The following TTC7B variants were observed in gnomAD, a reference collection of about 807,000 sequenced individuals.
TTC7B encodes tetratricopeptide repeat domain 7B.
TTC7B carries 28 observed loss-of-function variants against 106.8 expected under a neutral mutation model. The observed-to-expected ratio is 0.26, with a 90% CI of 0.19 to 0.36. The LOEUF (loss-of-function observed/expected upper bound fraction) is 0.36, where lower values mean the gene tolerates loss of function less well. TTC7B is among the 10% of genes least tolerant of loss of function. The pLI is 1.00. For synonymous variants in TTC7B, 405 were observed against 430.6 expected, an observed-to-expected ratio of 0.94 and a Z score of 0.74; for missense variants, 862 against 1,076.4, an observed-to-expected ratio of 0.80 and a Z score of 2.79.
intron 9 of TTC7B, among the ~76,000 whole-genome samples, chr14:90,661,222 C>T (rs1324944127): frequency 2.6e-5 from 4 of 152,212 alleles, no homozygotes; most frequent in Admixed American, 2.6e-4. Flanking sequence ...CACTGCATGC[C>T]GGTTTTGTTA....
chr14:90,701,885 A>G (rs1336148967), intron 5 of TTC7B, among the ~76,000 whole-genome samples: 4 of 151,556 alleles, frequency 2.6e-5, no homozygotes, highest in Non-Finnish European at 4.4e-5. Flanking sequence ...AGTGAACGCA[A>G]TGGTAAGCCA....
chr14:90,596,868 C>T (rs1371592327), intron 17 of TTC7B, among the ~76,000 whole-genome samples: 2 of 152,172 alleles, frequency 1.3e-5, no homozygotes, highest in African/African-American at 2.4e-5. Context: ...AGACACTTCA[C>T]TGTCTGAAAT....
At chr14:90,780,330 AAGAT>A (rs1276332292) in intron 3 of TTC7B, among the ~76,000 whole-genome samples, 1 of 151,846 alleles carries the variant, frequency 6.6e-6, no homozygotes, top group Non-Finnish European at 1.5e-5. Flanking sequence ...GCGGTAAGCC[AAGAT>A]CACACCATTG....
Position 90,644,145 on chromosome 14 carries a change from G to A in TTC7B, c.1654C>T (p.Leu552=), listed in dbSNP as rs1375191268. The change falls in exon 15 of 20, where the codon CTG becomes TTG. Residue 552 remains leucine (L), a synonymous_variant. Transcript: ENST00000328459. The part of the protein sequence containing the change: ...LQLQGDDANS[L]HLLALLLSAQ... ...GACAGCAGGAGGGCAAGGAGGTGCA[G>A]GGAGTTGGCATCGTCACCTTGAAGC... 3 of 1,613,886 alleles carry A rather than the reference G, an allele frequency of 1.9e-6. No homozygotes were observed. Among genetic ancestry groups the A allele is most frequent in the South Asian group, 1.1e-5 (1 of 91,080 alleles).
At chr14:90,649,346 A>C (rs992594572) in intron 13 of TTC7B, among the ~76,000 whole-genome samples, 5 of 148,756 alleles carry the variant, frequency 3.4e-5, no homozygotes, top group African/African-American at 7.4e-5. Flanking sequence ...TGTTGATCTC[A>C]AGTAGATGCT....
intron 1 of TTC7B, among the ~76,000 whole-genome samples, chr14:90,786,890 T>G (rs779495564): frequency 6.6e-5 from 10 of 152,120 alleles, no homozygotes; most frequent in Non-Finnish European, 1.2e-4. Context: ...TGCCGGTAGA[T>G]ACACATTAAC....
chr14:90,617,593 T>C (rs1893137716), intron 16 of TTC7B, among the ~76,000 whole-genome samples: 3 of 152,184 alleles, frequency 2.0e-5, no homozygotes, highest in Admixed American at 6.5e-5. Flanking sequence ...GACTGGTCTA[T>C]ACATAAATTA....
intron 16 of TTC7B, among the ~76,000 whole-genome samples, chr14:90,615,501 A>G (rs189279775): frequency 1.5e-4 from 23 of 152,306 alleles, no homozygotes; most frequent in East Asian, 1.9e-4. Context: ...ATTTTATTTT[A>G]AAGAAGCCAT....
chr14:90,683,181 A>G (rs1176259274), intron 7 of TTC7B, among the ~76,000 whole-genome samples: 4 of 152,240 alleles, frequency 2.6e-5, no homozygotes, highest in African/African-American at 9.6e-5. Context: ...GGTCACCGGC[A>G]TCCCCTAAAA....
At chr14:90,734,106 T>C (rs1889427588) in intron 4 of TTC7B, among the ~76,000 whole-genome samples, 1 of 151,984 alleles carries the variant, frequency 6.6e-6, no homozygotes, top group African/African-American at 2.4e-5. Context: ...ATGAGACATA[T>C]AAGATGGAAA....
In TTC7B at chr14:90,680,548, G is replaced by T; in HGVS notation, c.951-13C>A. On this transcript the variant is annotated splice_polypyrimidine_tract_variant and intron_variant, in intron 7 of 19. Coordinates refer to ENST00000328459, the MANE Select transcript of TTC7B (RefSeq NM_001010854.2). ...AGGACAAAAAATGCTGCAGTTGAAA[G>T]AAAACTGACTTTGATATATGGCAGT... 1 of 1,611,286 alleles carries T rather than the reference G, an allele frequency of 6.2e-7. No homozygotes were observed. Among genetic ancestry groups the T allele is most frequent in the Non-Finnish European group, 8.5e-7 (1 of 1,177,762 alleles).
At chr14:90,621,579 T>C (rs1446045150) in intron 15 of TTC7B, among the ~76,000 whole-genome samples, 5 of 151,540 alleles carry the variant, frequency 3.3e-5, no homozygotes, top group Non-Finnish European at 4.4e-5. Context: ...CATGCGAGTA[T>C]GGCCGGAATG....
At position 90,529,518 on chromosome 14, in the gene TTC7B, G is replaced by A. The variant is rs554683866; in HGVS notation, c.*11850C>T. ...TAAGATAGATAATCAGAGATGCTAGGAGAAAACATGAGCATGTGAGTGGCT... is the reference window on the plus strand; with the variant it reads ...TAAGATAGATAATCAGAGATGCTAGAAGAAAACATGAGCATGTGAGTGGCT... On this transcript the variant is annotated 3_prime_UTR_variant, in exon 20 of 20. Coordinates refer to ENST00000328459, the MANE Select transcript of TTC7B (RefSeq NM_001010854.2). 1 of 152,346 alleles carries A rather than the reference G, an allele frequency of 6.6e-6. No homozygotes were observed. The highest frequency in any genetic ancestry group is 2.1e-4 in the South Asian group (1 of 4,826). 9.4% of individuals were successfully genotyped at this position (152,346 alleles called of 1,614,324 possible).
At chr14:90,770,292 T>G (rs1187635001) in intron 3 of TTC7B, among the ~76,000 whole-genome samples, 1 of 152,176 alleles carries the variant, frequency 6.6e-6, no homozygotes, top group African/African-American at 2.4e-5. Context: ...ATTCACACAT[T>G]GAATTGAAGG....
chr14:90,623,734 C>T (rs1435794083), intron 15 of TTC7B, among the ~76,000 whole-genome samples: 1 of 152,300 alleles, frequency 6.6e-6, no homozygotes, highest in African/African-American at 2.4e-5. Flanking sequence ...AGAACAATCA[C>T]ATTTGGCTGG....
intron 9 of TTC7B, among the ~76,000 whole-genome samples, chr14:90,664,429 C>T (rs1426000197): frequency 1.3e-5 from 2 of 151,998 alleles, no homozygotes; most frequent in Non-Finnish European, 2.9e-5. Context: ...GCCACCAGGC[C>T]CAGCTAATTT....
chr14:90,554,795 A>C (rs1890234824), intron 19 of TTC7B, among the ~76,000 whole-genome samples: 1 of 152,276 alleles, frequency 6.6e-6, no homozygotes, highest in South Asian at 2.1e-4. Flanking sequence ...GCTCAGGGTC[A>C]GGGTGCTGGT....
chr14:90,587,948 C>T (rs1053265626), intron 18 of TTC7B, among the ~76,000 whole-genome samples: 1 of 152,182 alleles, frequency 6.6e-6, no homozygotes, highest in Non-Finnish European at 1.5e-5. Context: ...ATTTATACCT[C>T]ATAAGGTTAT....
chr14:90,725,659 G>A (rs1889071526), intron 5 of TTC7B, among the ~76,000 whole-genome samples: 1 of 152,170 alleles, frequency 6.6e-6, no homozygotes, highest in Admixed American at 6.5e-5. Context: ...CTGACTTCCT[G>A]CTTTCTGAGT....
Sources: gnomAD v4.1 joint callset for allele counts (sites outside exome capture counted in the v4.1 genomes callset) on GRCh38, gnomAD v4.1.1 for gene constraint, MANE v1.5 for transcripts, NCBI Gene and HGNC (gene_info 2026-07-23, HGNC 2026-07-21) for gene names.